The following ADGRL3 variants were observed in gnomAD, a reference collection of about 807,000 sequenced individuals.
ADGRL3 encodes calcium-independent alpha-latrotoxin receptor 3.
In ADGRL3, 62 loss-of-function variants were observed where a neutral mutation model predicts 153.5. That is an observed-to-expected ratio of 0.40 (90% CI 0.33 to 0.50). ADGRL3 has a LOEUF of 0.50. Among genes scored for constraint, ADGRL3 ranks in the 20% least tolerant of loss-of-function variants. The pLI is 0.47. For missense variants in ADGRL3, 1,641 were observed against 1,859.4 expected (o/e 0.88, Z 2.16); for synonymous variants, 710 against 672.5 (o/e 1.06, Z -0.86).
chr4:61,445,850 C>T (rs984372086), intron 2 of ADGRL3, among the ~76,000 whole-genome samples: 1 of 152,088 alleles, frequency 6.6e-6, no homozygotes, highest in Non-Finnish European at 1.5e-5. Flanking sequence ...AATACTATTG[C>T]CTAGTGACAT....
chr4:61,843,585 T>C (rs2098067008), intron 9 of ADGRL3, among the ~76,000 whole-genome samples: 1 of 152,220 alleles, frequency 6.6e-6, no homozygotes, highest in South Asian at 2.1e-4. Context: ...TGGCTGCTTT[T>C]GTACCAGCTC....
rs1442667149 is a variant in ADGRL3, at chr4:61,311,905, G to A, written c.-239-71219G>A. Among the ~76,000 whole-genome samples, 3 of 152,142 alleles carry A rather than the reference G, an allele frequency of 2.0e-5. No individual in the cohort carries two copies. The East Asian group carries it at 5.8e-4, about 29-fold the overall frequency. ...ACCATGGGCTTCAGGTGATAAGGATGTGTCAATGCAGGTATATTAATTGAA... is the reference window on the plus strand; with the variant it reads ...ACCATGGGCTTCAGGTGATAAGGATATGTCAATGCAGGTATATTAATTGAA... On this transcript the variant is annotated intron_variant, in intron 1 of 26. Coordinates refer to ENST00000683033, the MANE Select transcript of ADGRL3 (RefSeq NM_001387552.1).
intron 2 of ADGRL3, among the ~76,000 whole-genome samples, chr4:61,493,553 ACTC>A (rs1358404329): frequency 5.3e-5 from 8 of 152,110 alleles, no homozygotes; most frequent in Non-Finnish European, 1.0e-4. Flanking sequence ...CAATAGCAAT[ACTC>A]CTCTTTCACT....
chr4:61,677,267 A>T, intron 6 of ADGRL3: 1 of 301,038 alleles, frequency 3.3e-6, no homozygotes, highest in Non-Finnish European at 6.5e-6. Context: ...AAGAGGTGAA[A>T]ATGAGCAATA....
At chr4:61,602,972 A>G (rs987458325) in intron 5 of ADGRL3, among the ~76,000 whole-genome samples, 1 of 152,220 alleles carries the variant, frequency 6.6e-6, no homozygotes, top group Non-Finnish European at 1.5e-5. Context: ...TATCACCTAC[A>G]AATCATTCCT....
At chr4:61,604,715 G>A (rs547700423) in intron 5 of ADGRL3, among the ~76,000 whole-genome samples, 83 of 152,266 alleles carry the variant, frequency 5.5e-4, no homozygotes, top group African/African-American at 1.9e-3. Context: ...ATAATGCATA[G>A]TAAATGGTAT....
At chr4:62,013,192 G>A (rs2099194635) in intron 21 of ADGRL3, among the ~76,000 whole-genome samples, 2 of 152,118 alleles carry the variant, frequency 1.3e-5, no homozygotes, top group South Asian at 2.1e-4. Flanking sequence ...CATATGCACT[G>A]GGGAAGTATG....
intron 16 of ADGRL3, 131 bp downstream of exon 16, chr4:61,947,253 A>G (rs1023295955): frequency 1.9e-5 from 14 of 721,948 alleles, no homozygotes; most frequent in Non-Finnish European, 2.0e-5. Context: ...TGTACAATGT[A>G]GTGGTAATTT....
At chr4:61,899,655 A>AAAAC (rs918071926) in intron 11 of ADGRL3, among the ~76,000 whole-genome samples, 11 of 152,154 alleles carry the variant, frequency 7.2e-5, no homozygotes, top group Non-Finnish European at 1.3e-4. Flanking sequence ...GTTTATGGTT[A>AAAAC]AAACAAACAA....
chr4:61,832,862 T>C (rs2097889010), intron 9 of ADGRL3, among the ~76,000 whole-genome samples: 1 of 150,806 alleles, frequency 6.6e-6, no homozygotes, highest in South Asian at 2.1e-4. Context: ...GTTCTTATCA[T>C]AGCTCACTGC....
intron 4 of ADGRL3, among the ~76,000 whole-genome samples, chr4:61,539,250 G>T (rs2098675838): frequency 6.6e-6 from 1 of 152,210 alleles, no homozygotes; most frequent in African/African-American, 2.4e-5. Context: ...GCACAGAGTG[G>T]CTGTCTCCGG....
chr4:61,615,823 C>T (rs1404248912), intron 5 of ADGRL3, among the ~76,000 whole-genome samples: 1 of 151,932 alleles, frequency 6.6e-6, no homozygotes, highest in East Asian at 1.9e-4. Context: ...ATTTCAAATA[C>T]AAGTATACTT....
intron 8 of ADGRL3, among the ~76,000 whole-genome samples, chr4:61,761,398 C>T (rs2096910543): frequency 6.6e-6 from 1 of 152,158 alleles, no homozygotes; most frequent in African/African-American, 2.4e-5. Flanking sequence ...CAAGATGGAG[C>T]TCAGTTATAA....
intron 9 of ADGRL3, among the ~76,000 whole-genome samples, chr4:61,839,327 C>A (rs893400112): frequency 6.6e-6 from 1 of 151,800 alleles, no homozygotes; most frequent in East Asian, 1.9e-4. Flanking sequence ...AGTAGCTAGT[C>A]CCACAGGCAT....
intron 21 of ADGRL3, among the ~76,000 whole-genome samples, chr4:62,028,550 G>A (rs1030650718): frequency 4.6e-5 from 7 of 151,726 alleles, no homozygotes; most frequent in Non-Finnish European, 7.4e-5. Flanking sequence ...ATTCTCTAGA[G>A]AAATGTGATC....
At chr4:61,572,903 T>C (rs79853125) in intron 4 of ADGRL3, among the ~76,000 whole-genome samples, 9,205 of 151,986 alleles carry the variant, frequency 0.061, 889 homozygotes, top group African/African-American at 0.21. Flanking sequence ...GAAAGAACTG[T>C]TTTCAGCATT....
intron 5 of ADGRL3, among the ~76,000 whole-genome samples, chr4:61,668,739 C>T (rs28416022): frequency 6.6e-6 from 1 of 152,052 alleles, no homozygotes; most frequent in African/African-American, 2.4e-5. Flanking sequence ...AAAATGGAGG[C>T]CTGGCACAGT....
chr4:61,638,491 T>C (rs1327311628), intron 5 of ADGRL3, among the ~76,000 whole-genome samples: 3 of 152,256 alleles, frequency 2.0e-5, no homozygotes, highest in Admixed American at 6.5e-5. Flanking sequence ...TTGTTTTTGG[T>C]ATGTAATTTG....
intron 4 of ADGRL3, among the ~76,000 whole-genome samples, chr4:61,549,603 G>A (rs2098731076): frequency 7.1e-6 from 1 of 141,286 alleles, no homozygotes; most frequent in African/African-American, 2.6e-5. Context: ...TGGAAGACTA[G>A]ATGTTATTTT....
Sources: gnomAD v4.1 joint callset for allele counts (sites outside exome capture counted in the v4.1 genomes callset) on GRCh38, gnomAD v4.1.1 for gene constraint, MANE v1.5 for transcripts, NCBI Gene and HGNC (gene_info 2026-07-23, HGNC 2026-07-21) for gene names.